SAMD14: variants seen among roughly 807,000 people sequenced by gnomAD.
SAMD14 encodes the protein sterile alpha motif domain containing 14.
Under a neutral mutation model 46.2 loss-of-function variants are expected in SAMD14, and 27 were observed. The ratio of observed to expected loss-of-function variants is 0.58; its 90% CI spans 0.43 to 0.81. The LOEUF (loss-of-function observed/expected upper bound fraction) is 0.81. Among genes scored for constraint, SAMD14 ranks in the 30% least tolerant of loss-of-function variants. The pLI is 0.00. For synonymous variants in SAMD14, 241 were observed against 254.3 expected, an observed-to-expected ratio of 0.95 and a Z score of 0.50; for missense variants, 559 against 582.2, an observed-to-expected ratio of 0.96 and a Z score of 0.41.
In SAMD14 at chr17:50,114,051, T is replaced by C. The variant is rs771076961; in HGVS notation, c.971A>G (p.His324Arg). 1.2e-6 allele frequency: 2 copies of C among 1,613,132 alleles called. No homozygotes were observed. The highest frequency in any genetic ancestry group is 2.2e-5 in the South Asian group (2 of 91,058). Residue 324 changes from histidine to arginine, a missense_variant, in exon 9 of 10, where the codon CAC becomes CGC. Physicochemically the swap from His to Arg is conservative, Grantham distance 29. Coordinates refer to ENST00000330175, the MANE Select transcript of SAMD14 (RefSeq NM_001257359.2). ...EFLDEPLPPV[H>R]HWTSQQVGQW... ...GCCCACCTGCTGGCTGGTCCAGTGG[T>C]GGACAGGGGGGAGGGGTTCATCCAG...
chr17:50,125,857 A>G (rs1911740816), intron 1 of SAMD14, among the ~76,000 whole-genome samples: 1 of 152,206 alleles, frequency 6.6e-6, no homozygotes, highest in South Asian at 2.1e-4. Flanking sequence ...TGGACAGCCA[A>G]ACCTCTATGA....
chr17:50,113,657 G>A, intron 9 of SAMD14: 1 of 506,490 alleles, frequency 2.0e-6, no homozygotes, highest in Non-Finnish European at 3.6e-6. Context: ...GGCAAGGTCA[G>A]CCTGGAGACC....
chr17:50,112,833 G>T lies in SAMD14; in HGVS notation c.*60C>A. 2 of 1,559,488 alleles carry T rather than the reference G, an allele frequency of 1.3e-6. No individual in the cohort carries two copies. Among genetic ancestry groups the T allele is most frequent in the Non-Finnish European group, 1.7e-6 (2 of 1,158,810 alleles). On this transcript the variant is annotated 3_prime_UTR_variant, in exon 10 of 10. Coordinates refer to ENST00000330175, the MANE Select transcript of SAMD14 (RefSeq NM_001257359.2). Reference sequence around the variant, plus strand: ...GCCCAGGTCCAGCCTCCCTGGTGAGGCCTGTGCCCGCGGAGCCAGTGGCTG... The same window carrying T: ...GCCCAGGTCCAGCCTCCCTGGTGAGTCCTGTGCCCGCGGAGCCAGTGGCTG...
At chr17:50,113,596 T>G in intron 9 of SAMD14, 1 of 352,428 alleles carries the variant, frequency 2.8e-6, no homozygotes, top group Non-Finnish European at 5.3e-6. Context: ...GGGGGAGATG[T>G]GGCTTCCCAT....
rs1555563139 is a variant in SAMD14, at chr17:50,124,771, G to GTGCGCA, written c.43+145_43+146insTGCGCA. On this transcript the variant is annotated intron_variant, in intron 2 of 9. Coordinates refer to ENST00000330175, the MANE Select transcript of SAMD14 (RefSeq NM_001257359.2). ...TACCTGCACGCGTGCACGCGCGCGCGCACACACACACACACACACACACAC... is the reference window on the plus strand; with the variant it reads ...TACCTGCACGCGTGCACGCGCGCGCGTGCGCACACACACACACACACACACACACAC... The GTGCGCA allele has an allele frequency of 3.2e-5, 18 of 569,596 alleles. 1 individual carries two copies. The Admixed American group carries it at 4.1e-4, about 13-fold the overall frequency. 35.3% of individuals were successfully genotyped at this position (569,596 alleles called of 1,614,324 possible). A position where few individuals can be genotyped will look rare whatever the true frequency, so the allele number is the denominator to read the frequency against.
At position 50,114,275 on chromosome 17, in the gene SAMD14, G is replaced by C; in HGVS notation, c.854C>G (p.Pro285Arg). 2 of 1,614,074 alleles carry C rather than the reference G, an allele frequency of 1.2e-6. No individual in the cohort carries two copies. Among genetic ancestry groups the C allele is most frequent in the South Asian group, 2.2e-5 (2 of 91,084 alleles). ...ESTLSDDSTP[P>R]SSSPKIPSGP... ...ACTGGGGATCTTGGGGCTGCTGCTG[G>C]GGGGCGTGGAGTCATCACTCAGAGT... The change falls in exon 8 of 10, where the codon CCC becomes CGC. Residue 285 changes from proline (P) to arginine (R), a missense_variant. Transcript: ENST00000330175.
chr17:50,117,642 T>C lies in SAMD14; in HGVS notation c.264A>G (p.Ser88=). 2.6e-6 allele frequency: 4 copies of C among 1,561,738 alleles called. No homozygotes were observed. Among genetic ancestry groups the C allele is most frequent in the Non-Finnish European group, 3.4e-6 (4 of 1,164,018 alleles). Residue 88 remains serine (S), a synonymous_variant, in exon 4 of 10, where the codon TCA becomes TCG. Coordinates refer to ENST00000330175, the MANE Select transcript of SAMD14 (RefSeq NM_001257359.2). ...PLHRLRSPLH[S]GPGSPAGGSF... ...AGCCCCCGGCCGGGGACCCCGGGCC[T>C]GAGTGCAAAGGCGAGCGCAGCCGGT...
In SAMD14 at chr17:50,124,771, G is replaced by GCGCGCACACACA. The variant is rs71353620; in HGVS notation, c.43+145_43+146insTGTGTGTGCGCG. 3.2e-3 allele frequency: 1,847 copies of GCGCGCACACACA among 569,214 alleles called. 3 individuals are homozygous for GCGCGCACACACA. Among genetic ancestry groups the GCGCGCACACACA allele is most frequent in the East Asian group, 0.016 (474 of 28,824 alleles). The allele number at this position is 569,214 out of a possible 1,614,324, so 35.3% of individuals were successfully genotyped here. A position where few individuals can be genotyped will look rare whatever the true frequency, so the allele number is the denominator to read the frequency against. On this transcript the variant is annotated intron_variant, in intron 2 of 9. Coordinates refer to ENST00000330175, the MANE Select transcript of SAMD14 (RefSeq NM_001257359.2). ...TACCTGCACGCGTGCACGCGCGCGC[G>GCGCGCACACACA]CACACACACACACACACACACACAC...
In SAMD14 at chr17:50,118,220, GCCTGGAGCGGGATGGCCGGTGTCTCCGGC is replaced by G; in HGVS notation, c.122_150del (p.Gly41AlafsTer12). On this transcript the variant is annotated frameshift_variant, in exon 3 of 10. Transcript: ENST00000330175. LOFTEE classifies it high-confidence loss of function. ...TCCGCGGAGCTGGCACTGTCCCGAA[GCCTGGAGCGGGATGGCCGGTGTCTCCGGC>G]CCTTGGCCAACAGTTGGGCCCGGGC... is the stretch of plus-strand genomic sequence containing the variant. 1.2e-6 allele frequency: 2 copies of G among 1,613,714 alleles called. No individual in the cohort carries two copies. Among genetic ancestry groups the G allele is most frequent in the Non-Finnish European group, 1.7e-6 (2 of 1,179,824 alleles).
chr17:50,118,260 C>T lies in SAMD14; in HGVS notation c.111G>A (p.Leu37=). The part of the protein sequence containing the change: ...DSSLHKARAQ[L]LAKGRRHRPS... ...GCCGGTGTCTCCGGCCCTTGGCCAA[C>T]AGTTGGGCCCGGGCCTTGTGTAAAC... is the stretch of plus-strand genomic sequence containing the variant. Residue 37 remains leucine (L), a synonymous_variant, in exon 3 of 10, where the codon CTG becomes CTA. Coordinates refer to ENST00000330175, the MANE Select transcript of SAMD14 (RefSeq NM_001257359.2). 5.6e-6 allele frequency: 9 copies of T among 1,614,014 alleles called. No homozygotes were observed. The South Asian group carries it at 9.9e-5, about 18-fold the overall frequency.
intron 4 of SAMD14, 196 bp from the exon 5 acceptor site, chr17:50,116,286 A>C: frequency 1.4e-6 from 1 of 735,998 alleles, no homozygotes; most frequent in Non-Finnish European, 2.1e-6. Flanking sequence ...GGGGATAATA[A>C]CATCTACCTG....
intron 4 of SAMD14, among the ~76,000 whole-genome samples, chr17:50,117,028 T>C (rs1049157398): frequency 6.6e-6 from 1 of 152,078 alleles, no homozygotes; most frequent in African/African-American, 2.4e-5. Context: ...AATTTTTTAA[T>C]TTTTTCTGGA....
intron 1 of SAMD14, among the ~76,000 whole-genome samples, chr17:50,125,644 C>A (rs1911733721): frequency 6.6e-6 from 1 of 152,124 alleles, no homozygotes; most frequent in Non-Finnish European, 1.5e-5. Context: ...ATCTTTGCAT[C>A]CATCAATTCT....
chr17:50,124,704 G>T (rs1911660247), intron 2 of SAMD14, among the ~76,000 whole-genome samples: 1 of 151,788 alleles, frequency 6.6e-6, no homozygotes, highest in African/African-American at 2.4e-5. Context: ...GTTATAACTG[G>T]TGTGTCCACT....
At position 50,117,415 on chromosome 17, in the gene SAMD14, T is replaced by A. The variant is rs754793877; in HGVS notation, c.491A>T (p.His164Leu). The A allele has an allele frequency of 2.3e-6, 3 of 1,331,788 alleles. No individual in the cohort carries two copies. Among genetic ancestry groups the A allele is most frequent in the Non-Finnish European group, 2.9e-6 (3 of 1,046,246 alleles). The allele number at this position is 1,331,788 out of a possible 1,614,324, so 82.5% of individuals were successfully genotyped here. A position where few individuals can be genotyped will look rare whatever the true frequency, so the allele number is the denominator to read the frequency against. ...FVRRHPRAEPHSEDDSRDASP... is the reference protein window; with the variant it reads ...FVRRHPRAEPLSEDDSRDASP... Reference sequence around the variant, plus strand: ...CGCTGGCCGCCTCTCACCTTCGCTGTGCGGCTCTGCGCGCGGGTGGCGGCG... The same window carrying A: ...CGCTGGCCGCCTCTCACCTTCGCTGAGCGGCTCTGCGCGCGGGTGGCGGCG... The change falls in exon 4 of 10, where the codon CAC becomes CTC. Residue 164 changes from histidine to leucine, a missense_variant. By Grantham distance (99) the His-to-Leu change is moderately conservative. Transcript: ENST00000330175.
intron 2 of SAMD14, chr17:50,124,131 T>G (rs1413216906): frequency 2.2e-6 from 1 of 456,004 alleles, no homozygotes; most frequent in East Asian, 6.9e-5. Flanking sequence ...TCCTCCTGAC[T>G]CCTCCACCGG....
Position 50,113,030 on chromosome 17 carries a change from A to C in SAMD14, c.1117T>G (p.Ser373Ala). Residue 373 changes from serine (S) to alanine (A), a missense_variant, in exon 10 of 10, where the codon TCT becomes GCT. Ser to Ala is a moderately conservative substitution (Grantham distance 99). Coordinates refer to ENST00000330175, the MANE Select transcript of SAMD14 (RefSeq NM_001257359.2). ...SKLKSLGLSN[S>A]HDRALVKRKL... ...CGCTTCACCAGTGCCCGGTCATGAG[A>C]GTTGCTGAGCCCCAGGCTCTGGGGA... 6.2e-7 allele frequency: 1 copy of C among 1,612,294 alleles called. No individual in the cohort carries two copies. Among genetic ancestry groups the C allele is most frequent in the South Asian group, 1.1e-5 (1 of 91,084 alleles).
intron 8 of SAMD14, 51 bp from the exon 9 acceptor site, chr17:50,114,130 C>T: frequency 1.2e-6 from 2 of 1,613,944 alleles, no homozygotes; most frequent in Non-Finnish European, 1.7e-6. Context: ...GTGACCTGAG[C>T]ACCTTGCAGA....
chr17:50,129,912 G>A lies in SAMD14; in HGVS notation c.-408C>T, dbSNP rs1310489312. ...CCCTCCCCGCCCCTGCCGCCCGCCA[G>A]GCCTGGCCGGACGCGGGGCCCCCGC... On this transcript the variant is annotated 5_prime_UTR_variant, in exon 1 of 10. Coordinates refer to ENST00000330175, the MANE Select transcript of SAMD14 (RefSeq NM_001257359.2). This position sits in a 1 kb window ranked among gnomAD's most constrained non-coding sequence, Gnocchi z 5.6. The A allele has an allele frequency of 6.6e-6, 1 of 151,898 alleles. No individual in the cohort carries two copies. Among genetic ancestry groups the A allele is most frequent in the Non-Finnish European group, 1.5e-5 (1 of 67,956 alleles). The allele number at this position is 151,898 out of a possible 1,614,324, so 9.4% of individuals were successfully genotyped here.
Sources: gnomAD v4.1 joint callset for allele counts (sites outside exome capture counted in the v4.1 genomes callset) on GRCh38, gnomAD v4.1.1 for gene constraint, Gnocchi (gnomAD v3.1) non-coding constraint, MANE v1.5 for transcripts, NCBI Gene and HGNC (gene_info 2026-07-23, HGNC 2026-07-21) for gene names.